SGMS1: variants seen among roughly 807,000 people sequenced by gnomAD.
SGMS1 encodes the protein phosphatidylcholine:ceramide cholinephosphotransferase 1.
In SGMS1, 13 loss-of-function variants were observed where a neutral mutation model predicts 46.2. That is an observed-to-expected ratio of 0.28 (90% CI 0.18 to 0.45). The LOEUF is 0.45. Among genes scored for constraint, SGMS1 ranks in the 20% least tolerant of loss-of-function variants. SGMS1 has a pLI of 1.00. For missense variants in SGMS1, 324 were observed against 519.9 expected (o/e 0.62, Z 3.66); for synonymous variants, 203 against 187.8 (o/e 1.08, Z -0.66).
intron 2 of SGMS1, among the ~76,000 whole-genome samples, chr10:50,520,555 TC>T (rs1564423190): frequency 2.0e-5 from 3 of 152,110 alleles, no homozygotes; most frequent in South Asian, 4.2e-4. Context: ...TGGGGAACTT[TC>T]CCCCAATCAC....
intron 3 of SGMS1, among the ~76,000 whole-genome samples, chr10:50,515,360 C>A (rs1160627329): frequency 6.6e-6 from 1 of 152,132 alleles, no homozygotes; most frequent in Non-Finnish European, 1.5e-5. Context: ...TGTTTTGATA[C>A]GACCAGAATC....
intron 3 of SGMS1, among the ~76,000 whole-genome samples, chr10:50,506,589 G>C (rs1837708808): frequency 6.6e-6 from 1 of 152,142 alleles, no homozygotes; most frequent in African/African-American, 2.4e-5. Flanking sequence ...TACACTAAAA[G>C]GGAAGGCAGC....
chr10:50,427,756 G>C (rs373527456), intron 6 of SGMS1, among the ~76,000 whole-genome samples: 9 of 152,132 alleles, frequency 5.9e-5, no homozygotes, highest in African/African-American at 2.2e-4. Context: ...TTCGATTCCT[G>C]AAGGCTGGGT....
chr10:50,312,098 T>C (rs1341421290), intron 8 of SGMS1, among the ~76,000 whole-genome samples: 1 of 152,144 alleles, frequency 6.6e-6, no homozygotes, highest in African/African-American at 2.4e-5. Flanking sequence ...TCAAGTAAAA[T>C]GTGTAACTGT....
intron 3 of SGMS1, among the ~76,000 whole-genome samples, chr10:50,510,372 A>G (rs1041653254): frequency 1.6e-4 from 25 of 152,200 alleles, no homozygotes; most frequent in African/African-American, 6.0e-4. Context: ...TTGTGTGAAT[A>G]GAGGTTTTCA....
At chr10:50,431,677 TG>T (rs1849405531) in intron 6 of SGMS1, among the ~76,000 whole-genome samples, 2 of 152,184 alleles carry the variant, frequency 1.3e-5, no homozygotes, top group African/African-American at 4.8e-5. Flanking sequence ...TAGAGGCAAT[TG>T]GGTTTCCATT....
At chr10:50,394,885 C>T (rs1394831887) in intron 6 of SGMS1, among the ~76,000 whole-genome samples, 2 of 152,172 alleles carry the variant, frequency 1.3e-5, no homozygotes, top group Non-Finnish European at 2.9e-5. Flanking sequence ...AAGTTGATGA[C>T]TATGATTAAG....
intron 7 of SGMS1, among the ~76,000 whole-genome samples, chr10:50,333,872 G>C (rs1156392161): frequency 6.6e-6 from 1 of 152,114 alleles, no homozygotes; most frequent in Non-Finnish European, 1.5e-5. Flanking sequence ...ATGTGTTTTT[G>C]CTTTTTAAAA....
At chr10:50,401,485 A>C (rs1848939751) in intron 6 of SGMS1, among the ~76,000 whole-genome samples, 1 of 152,310 alleles carries the variant, frequency 6.6e-6, no homozygotes, top group South Asian at 2.1e-4. Flanking sequence ...CAAACACAGA[A>C]GCATTCATTT....
At chr10:50,610,517 C>T (rs1262355148) in intron 1 of SGMS1, among the ~76,000 whole-genome samples, 5 of 152,222 alleles carry the variant, frequency 3.3e-5, no homozygotes, top group East Asian at 3.9e-4. Context: ...CTCCTGAGAG[C>T]GTTCTCACAA....
chr10:50,387,770 C>A (rs1375899032), intron 6 of SGMS1, among the ~76,000 whole-genome samples: 1 of 152,146 alleles, frequency 6.6e-6, no homozygotes, highest in African/African-American at 2.4e-5. Context: ...GCCTCCCAAG[C>A]CACGGTAGGC....
intron 3 of SGMS1, among the ~76,000 whole-genome samples, chr10:50,477,425 A>G (rs1289123045): frequency 6.6e-6 from 1 of 152,192 alleles, no homozygotes; most frequent in Non-Finnish European, 1.5e-5. Context: ...ACAGGCTCAT[A>G]GGTGAAAGGG....
intron 5 of SGMS1, among the ~76,000 whole-genome samples, chr10:50,434,067 T>C (rs755175107): frequency 6.6e-6 from 1 of 152,226 alleles, no homozygotes; most frequent in Non-Finnish European, 1.5e-5. Flanking sequence ...ACCTAATGCT[T>C]AATGATCAGA....
chr10:50,506,855 C>T (rs1298193495), intron 3 of SGMS1, among the ~76,000 whole-genome samples: 4 of 152,228 alleles, frequency 2.6e-5, no homozygotes, highest in African/African-American at 7.2e-5. Context: ...CGCACATGAC[C>T]TCACTTAACT....
At chr10:50,328,350 A>G (rs2133317548) in intron 7 of SGMS1, among the ~76,000 whole-genome samples, 1 of 152,306 alleles carries the variant, frequency 6.6e-6, no homozygotes, top group African/African-American at 2.4e-5. Context: ...CCAAACAAGG[A>G]AAATTTAGAA....
intron 6 of SGMS1, among the ~76,000 whole-genome samples, chr10:50,420,399 C>T (rs1849239889): frequency 6.6e-6 from 1 of 152,212 alleles, no homozygotes; most frequent in African/African-American, 2.4e-5. Flanking sequence ...CTTCTAGCCG[C>T]TGTTCCAGCA....
At chr10:50,327,947 G>A in intron 7 of SGMS1, 1 of 262,146 alleles carries the variant, frequency 3.8e-6, no homozygotes, top group Non-Finnish European at 7.4e-6. Flanking sequence ...TAAAATAGGG[G>A]TAACAACATT....
intron 1 of SGMS1, among the ~76,000 whole-genome samples, chr10:50,611,006 A>G (rs994712903): frequency 4.6e-5 from 7 of 152,286 alleles, no homozygotes; most frequent in Admixed American, 4.6e-4. Context: ...GAGTGAACTA[A>G]TAGCCAGGGG....
At chr10:50,386,321 T>A (rs1848681396) in intron 6 of SGMS1, among the ~76,000 whole-genome samples, 1 of 152,212 alleles carries the variant, frequency 6.6e-6, no homozygotes, top group Non-Finnish European at 1.5e-5. Context: ...TTTACTGCAC[T>A]GCAGGATGGA....
Sources: gnomAD v4.1 joint callset for allele counts (sites outside exome capture counted in the v4.1 genomes callset) on GRCh38, gnomAD v4.1.1 for gene constraint, MANE v1.5 for transcripts, NCBI Gene and HGNC (gene_info 2026-07-23, HGNC 2026-07-21) for gene names.